The following LRRC18 variants were observed in gnomAD, a reference collection of about 807,000 sequenced individuals.
LRRC18 encodes leucine rich repeat containing 18.
LRRC18 carries 12 observed loss-of-function variants against 11.2 expected under a neutral mutation model. The observed-to-expected ratio is 1.07, with a 90% CI of 0.69 to 1.74. The LOEUF is 1.74. Ranked by LOEUF, LRRC18 falls within the 40% of genes most tolerant of loss-of-function variation. The pLI is 0.00. For missense variants in LRRC18, 374 were observed against 330.5 expected, an observed-to-expected ratio of 1.13 and a Z score of -1.02; for synonymous variants, 155 against 130.6, an observed-to-expected ratio of 1.19 and a Z score of -1.27.
intron 1 of LRRC18, among the ~76,000 whole-genome samples, chr10:48,913,112 C>G (rs1387775774): frequency 6.6e-6 from 1 of 152,140 alleles, no homozygotes; most frequent in Admixed American, 6.5e-5. Context: ...GATCTGGGGG[C>G]AAGAGTAGGA....
Position 48,910,266 on chromosome 10 carries a change from T to G in LRRC18, c.765-8A>C. 6.2e-7 allele frequency: 1 copy of G among 1,613,344 alleles called. No homozygotes were observed. The highest frequency in any genetic ancestry group is 1.7e-4 in the Middle Eastern group (1 of 6,058). ...GAAGATGTCAAGCGTATTCTGGGGATGGAGACACAAGAAGGTGAGGCAATT... is the reference window on the plus strand; with the variant it reads ...GAAGATGTCAAGCGTATTCTGGGGAGGGAGACACAAGAAGGTGAGGCAATT... On this transcript the variant is annotated splice_region_variant and splice_polypyrimidine_tract_variant and intron_variant, in intron 1 of 1. Transcript: ENST00000374160.
At chr10:48,929,420 A>T in the LRRC18 span, among the ~76,000 whole-genome samples, 3,498 of 152,228 alleles carry the variant, frequency 0.023, 131 homozygotes, top group African/African-American at 0.08. Flanking sequence ...ACTCCAGGCC[A>T]GTGAGTGTGG....
the LRRC18 span, among the ~76,000 whole-genome samples, chr10:48,932,268 G>A: frequency 6.6e-6 from 1 of 152,156 alleles, no homozygotes; most frequent in Non-Finnish European, 1.5e-5. Flanking sequence ...AGACTGCACC[G>A]TCTCCATCAC....
upstream of LRRC18, among the ~76,000 whole-genome samples, chr10:48,916,153 A>G (rs538606706): frequency 1.4e-4 from 22 of 152,304 alleles, no homozygotes; most frequent in Non-Finnish European, 2.1e-4. Flanking sequence ...CTCAAAGTAA[A>G]GACCAATCTG....
exon 1 of LRRC18, chr10:48,913,880 A>G (rs1197077462): frequency 6.2e-7 from 1 of 1,614,014 alleles, no homozygotes; most frequent in African/African-American, 1.3e-5. Context: ...TCATCTGGCC[A>G]ATGGACTCAG....
the LRRC18 span, among the ~76,000 whole-genome samples, chr10:48,929,641 G>A: frequency 3.9e-5 from 6 of 152,264 alleles, no homozygotes; most frequent in South Asian, 4.1e-4. Context: ...ACGATTGCCC[G>A]GTGTTTGGTT....
At position 48,914,014 on chromosome 10, in the gene LRRC18, G is replaced by T. The variant is rs373215473; in HGVS notation, c.142C>A (p.Arg48Ser). ...TCCAGCTCGTCCATGTCACTAAGGCGCAGAATACACTTGGGGAAGGTGGTA... is the reference window on the plus strand; with the variant it reads ...TCCAGCTCGTCCATGTCACTAAGGCTCAGAATACACTTGGGGAAGGTGGTA... Residue 48 changes from arginine (R) to serine (S), a missense_variant, in exon 1 of 2, where the codon CGC (arginine) becomes AGC (serine). Arg to Ser is a moderately radical substitution (Grantham distance 110). Transcript: ENST00000374160. 1.1e-5 allele frequency: 18 copies of T among 1,614,054 alleles called. No individual in the cohort carries two copies. In the African/African-American group the frequency reaches 1.5e-4, roughly 13 times the overall value.
intron 1 of LRRC18, among the ~76,000 whole-genome samples, chr10:48,911,304 G>C (rs182392208): frequency 6.6e-5 from 10 of 152,300 alleles, no homozygotes; most frequent in African/African-American, 1.9e-4. Context: ...GCCGGGAAAT[G>C]GGTTCTCTAC....
the LRRC18 span, among the ~76,000 whole-genome samples, chr10:48,929,305 G>T: frequency 0.096 from 14,676 of 152,238 alleles, 861 homozygotes; most frequent in South Asian, 0.2. Flanking sequence ...AGATAATAAA[G>T]AGGAGAAACC....
exon 1 of LRRC18, chr10:48,913,721 C>A: frequency 1.2e-6 from 2 of 1,612,922 alleles, no homozygotes; most frequent in Non-Finnish European, 1.7e-6. Flanking sequence ...CCTCGTGGAG[C>A]TCCTTCAGGG....
chr10:48,910,969 G>T, intron 1 of LRRC18: 1 of 939,848 alleles, frequency 1.1e-6, no homozygotes, highest in Non-Finnish European at 1.3e-6. Context: ...TAATTCTAAA[G>T]AAAAAGTGTC....
the LRRC18 span, among the ~76,000 whole-genome samples, chr10:48,928,543 C>T: frequency 6.6e-6 from 1 of 152,154 alleles, no homozygotes; most frequent in Non-Finnish European, 1.5e-5. Flanking sequence ...CCCCTGCCTC[C>T]CTGAGTGCAG....
At position 48,910,272 on chromosome 10, in the gene LRRC18, C is replaced by T. The variant is rs1285413141; in HGVS notation, c.765-14G>A. 6.2e-7 allele frequency: 1 copy of T among 1,611,508 alleles called. No homozygotes were observed. Among genetic ancestry groups the T allele is most frequent in the East Asian group, 2.2e-5 (1 of 44,738 alleles). ...GTCAAGCGTATTCTGGGGATGGAGA[C>T]ACAAGAAGGTGAGGCAATTGCTCCA... On this transcript the variant is annotated splice_polypyrimidine_tract_variant and intron_variant, in intron 1 of 1. Coordinates refer to ENST00000374160, the Ensembl canonical transcript of LRRC18.
At chr10:48,910,386 T>TG in intron 1 of LRRC18, 128 bp from the exon 4 acceptor site, 1 of 792,560 alleles carries the variant, frequency 1.3e-6, no homozygotes, top group Non-Finnish European at 2.2e-6. Context: ...TTAGTGTGAA[T>TG]GGGGGTTTTG....
At chr10:48,917,270 G>T (rs922374670), upstream of LRRC18, among the ~76,000 whole-genome samples, 1 of 152,148 alleles carries the variant, frequency 6.6e-6, no homozygotes, top group Non-Finnish European at 1.5e-5. Flanking sequence ...TATCTCTGCT[G>T]ATACCTATAC....
At chr10:48,938,718 G>A in the LRRC18 span, among the ~76,000 whole-genome samples, 1 of 152,220 alleles carries the variant, frequency 6.6e-6, no homozygotes. Context: ...GCTCGTCTGG[G>A]GGGGTAAAGG....
chr10:48,928,337 G>C, the LRRC18 span, among the ~76,000 whole-genome samples: 11 of 148,280 alleles, frequency 7.4e-5, no homozygotes, highest in Non-Finnish European at 1.5e-4. Context: ...GTGGCCCTTG[G>C]AGGCTTTGGT....
the LRRC18 span, among the ~76,000 whole-genome samples, chr10:48,927,825 A>G: frequency 6.6e-6 from 1 of 152,248 alleles, no homozygotes; most frequent in African/African-American, 2.4e-5. Flanking sequence ...CTATTTTGTA[A>G]TTCTGGATGT....
exon 1 of LRRC18, chr10:48,914,112 A>T (rs960150015): frequency 6.2e-7 from 1 of 1,614,162 alleles, no homozygotes; most frequent in Non-Finnish European, 8.5e-7. Flanking sequence ...GGCCACCTTG[A>T]GGGTGATCTT....
Sources: allele counts gnomAD v4.1 joint callset (sites outside exome capture counted in the v4.1 genomes callset), GRCh38; gene constraint gnomAD v4.1.1; transcripts MANE v1.5; gene names NCBI Gene and HGNC (gene_info 2026-07-23, HGNC 2026-07-21).